Variants in VPS33A observed in about 807,000 individuals in gnomAD.
VPS33A encodes the protein vacuolar protein sorting-associated protein 33A.
Under a neutral mutation model 71.8 loss-of-function variants are expected in VPS33A, and 32 were observed. The observed-to-expected ratio is 0.45, with a 90% CI of 0.34 to 0.60. The LOEUF (loss-of-function observed/expected upper bound fraction) is 0.60. Among genes scored for constraint, VPS33A ranks in the 20% least tolerant of loss-of-function variants. The probability of loss-of-function intolerance (pLI) is 0.02; values close to 1 mark genes in which losing one functional copy is unlikely to be tolerated. For synonymous variants in VPS33A, 311 were observed against 292.7 expected, an observed-to-expected ratio of 1.06 and a Z score of -0.64; for missense variants, 625 against 748.5, an observed-to-expected ratio of 0.84 and a Z score of 1.92.
At chr12:122,254,262 A>T (rs1455234181) in intron 4 of VPS33A, among the ~76,000 whole-genome samples, 1 of 152,162 alleles carries the variant, frequency 6.6e-6, no homozygotes, top group Non-Finnish European at 1.5e-5. Flanking sequence ...TCACAGAAAT[A>T]CGATTAACGT....
At chr12:122,248,788 C>CT (rs1486794425) in intron 6 of VPS33A, 1 of 152,256 alleles carries the variant, frequency 6.6e-6, no homozygotes, top group Non-Finnish European at 1.5e-5. Flanking sequence ...CTACTGCCGG[C>CT]TGCAAGGATG....
At chr12:122,262,852 TAGC>T in intron 3 of VPS33A, among the ~76,000 whole-genome samples, 1 of 152,150 alleles carries the variant, frequency 6.6e-6, no homozygotes, top group East Asian at 1.9e-4. Context: ...GGGGGGTACA[TAGC>T]AGGCGCATGT....
chr12:122,259,369 G>A (rs1268933077), intron 4 of VPS33A, among the ~76,000 whole-genome samples: 2 of 151,962 alleles, frequency 1.3e-5, no homozygotes, highest in African/African-American at 2.4e-5. Context: ...ACAGGCATGC[G>A]CCATCATGCC....
intron 9 of VPS33A, 99 bp downstream of exon 9, chr12:122,239,779 A>AAAAAAAAAAAAAAAAAAAAAAAAAAAT: frequency 2.0e-6 from 1 of 507,360 alleles, no homozygotes; most frequent in Non-Finnish European, 3.4e-6. Context: ...AAAAAAAAAA[A>AAAAAAAAAAAAAAAAAAAAAAAAAAAT]GGCAAGGCAT....
In VPS33A at chr12:122,231,927, C is replaced by T. The variant is rs1252870632; in HGVS notation, c.*319G>A. The T allele has an allele frequency of 7.7e-6, 3 of 390,778 alleles. No individual in the cohort carries two copies. Among genetic ancestry groups the T allele is most frequent in the Non-Finnish European group, 9.0e-6 (2 of 222,084 alleles). The allele number at this position is 390,778 out of a possible 1,614,324, so 24.2% of individuals were successfully genotyped here. A position where few individuals can be genotyped will look rare whatever the true frequency, so the allele number is the denominator to read the frequency against. Reference sequence around the variant, plus strand: ...CAAAAATTAGCCGGGTGTGGTGGTGCATGCCTGTAGTCCCAGCTACTCAGG... The same window carrying T: ...CAAAAATTAGCCGGGTGTGGTGGTGTATGCCTGTAGTCCCAGCTACTCAGG... On this transcript the variant is annotated 3_prime_UTR_variant, in exon 13 of 13. Coordinates refer to ENST00000267199, the MANE Select transcript of VPS33A (RefSeq NM_022916.6).
chr12:122,249,849 A>C, intron 6 of VPS33A, 22 bp downstream of exon 6: 1 of 1,598,466 alleles, frequency 6.3e-7, no homozygotes, highest in Non-Finnish European at 8.5e-7. Flanking sequence ...CCTATTAGTG[A>C]AAACAGATGT....
chr12:122,238,519 G>A, intron 10 of VPS33A, 68 bp downstream of exon 10: 1 of 1,541,162 alleles, frequency 6.5e-7, no homozygotes, highest in South Asian at 1.2e-5. Flanking sequence ...ACTGTGCCCG[G>A]CCCATGAAGT....
intron 8 of VPS33A, 114 bp downstream of exon 8, chr12:122,242,268 A>C (rs1241255714): frequency 7.7e-7 from 1 of 1,301,774 alleles, no homozygotes; most frequent in Non-Finnish European, 1.1e-6. Context: ...AACACGTGGT[A>C]TTAAGACAGA....
chr12:122,239,779 A>AAT, intron 9 of VPS33A, 99 bp downstream of exon 9: 1 of 507,360 alleles, frequency 2.0e-6, no homozygotes, highest in Non-Finnish European at 3.4e-6. Context: ...AAAAAAAAAA[A>AAT]GGCAAGGCAT....
intron 6 of VPS33A, among the ~76,000 whole-genome samples, chr12:122,245,925 G>A (rs1954770491): frequency 6.6e-6 from 1 of 152,168 alleles, no homozygotes; most frequent in Non-Finnish European, 1.5e-5. Flanking sequence ...AGAAAAAGCT[G>A]TACACCCTGA....
chr12:122,244,521 T>C, intron 7 of VPS33A, 48 bp downstream of exon 7: 4 of 1,506,886 alleles, frequency 2.7e-6, no homozygotes, highest in Non-Finnish European at 3.6e-6. Context: ...GGGGTGGGCA[T>C]CTACCTGAGG....
chr12:122,249,893 A>G lies in VPS33A; in HGVS notation c.753T>C (p.Asp251=). ...ATQLTYEGLI[D]EIYGIQNSYV... is the part of the protein sequence containing the mutation. ...TACTGTTCTGAATGCCATAAATTTC[A>G]TCAATGAGTCCTTCATATGTCAGCT... is the stretch of plus-strand genomic sequence containing the variant. Residue 251 remains aspartate, a synonymous_variant, in exon 6 of 13, where the codon GAT becomes GAC. Transcript: ENST00000267199. 1 of 1,613,716 alleles carries G rather than the reference A, an allele frequency of 6.2e-7. No homozygotes were observed. The highest frequency in any genetic ancestry group is 8.5e-7 in the Non-Finnish European group (1 of 1,179,916).
In VPS33A at chr12:122,249,972, T is replaced by C; in HGVS notation, c.674A>G (p.Asp225Gly). Residue 225 changes from aspartate to glycine, a missense_variant, in exon 6 of 13, where the codon GAT becomes GGT. By Grantham distance (94) the Asp-to-Gly change is moderately conservative. Coordinates refer to ENST00000267199, the MANE Select transcript of VPS33A (RefSeq NM_022916.6). Reference protein sequence around the residue: ...GSQNSIFPVFDNLLLLDRNVD... With the variant: ...GSQNSIFPVFGNLLLLDRNVD... ...ATTCCGATCAAGCAACAAGAGATTA[T>C]CAAAAACAGGAAATATTGAATTCTG... The C allele has an allele frequency of 6.2e-7, 1 of 1,614,090 alleles. No homozygotes were observed. The highest frequency in any genetic ancestry group is 1.3e-5 in the African/African-American group (1 of 75,042).
intron 1 of VPS33A, 44 bp downstream of exon 1, chr12:122,266,263 G>C (rs758667997): frequency 6.2e-6 from 10 of 1,600,684 alleles, no homozygotes; most frequent in Non-Finnish European, 8.5e-6. Flanking sequence ...AACCAGGCCG[G>C]ACCAGGGGAG....
At chr12:122,235,952 T>A (rs752498685) in intron 10 of VPS33A, 29 bp from the exon 11 acceptor site, 4 of 1,578,500 alleles carry the variant, frequency 2.5e-6, no homozygotes, top group Non-Finnish European at 3.4e-6. Context: ...GGCCTTGATG[T>A]CAGATCAGGA....
intron 4 of VPS33A, among the ~76,000 whole-genome samples, chr12:122,260,804 G>A (rs1954983065): frequency 6.6e-6 from 1 of 151,964 alleles, no homozygotes; most frequent in African/African-American, 2.4e-5. Context: ...GTGAAACCTT[G>A]TCTCTACTAA....
Position 122,266,454 on chromosome 12 carries a change from G to T in VPS33A, c.-46C>A, listed in dbSNP as rs1423122948. The T allele has an allele frequency of 6.3e-7, 1 of 1,585,192 alleles. No homozygotes were observed. Among genetic ancestry groups the T allele is most frequent in the Admixed American group, 1.7e-5 (1 of 58,402 alleles). ...CCCACAACGCCAACCGAGTCCGCCGGTTCCTACGGGAGGACCACGGACGCA... is the reference window on the plus strand; with the variant it reads ...CCCACAACGCCAACCGAGTCCGCCGTTTCCTACGGGAGGACCACGGACGCA... On this transcript the variant is annotated 5_prime_UTR_variant, in exon 1 of 13. Transcript: ENST00000267199.
At chr12:122,241,661 C>T (rs1427658669) in intron 8 of VPS33A, among the ~76,000 whole-genome samples, 3 of 151,436 alleles carry the variant, frequency 2.0e-5, no homozygotes, top group Non-Finnish European at 4.4e-5. Flanking sequence ...GGCGTGATTT[C>T]AGCTCACTGT....
chr12:122,237,125 A>C (rs990711160), intron 10 of VPS33A, among the ~76,000 whole-genome samples: 2 of 152,230 alleles, frequency 1.3e-5, no homozygotes, highest in South Asian at 2.1e-4. Context: ...GTAACAGCAA[A>C]TAAATACTAC....
Sources: gnomAD v4.1 joint callset for allele counts (sites outside exome capture counted in the v4.1 genomes callset) on GRCh38, gnomAD v4.1.1 for gene constraint, MANE v1.5 for transcripts, NCBI Gene and HGNC (gene_info 2026-07-23, HGNC 2026-07-21) for gene names.